PCYT1B: variants seen among roughly 807,000 people sequenced by gnomAD.
The protein encoded by PCYT1B is phosphate cytidylyltransferase 1B, choline, also known as choline-phosphate cytidylyltransferase B.
Under a neutral mutation model 26.4 loss-of-function variants are expected in PCYT1B, and 10 were observed. That is an observed-to-expected ratio of 0.38 (90% CI 0.23 to 0.64). The LOEUF is 0.64. Among genes scored for constraint, PCYT1B ranks in the 30% least tolerant of loss-of-function variants. PCYT1B has a pLI of 0.56. For synonymous variants in PCYT1B, 131 were observed against 108.4 expected (o/e 1.21, Z -1.29); for missense variants, 161 against 292.7 (o/e 0.55, Z 3.28).
chrX:24,605,452 C>A (rs1925095427), intron 3 of PCYT1B, among the ~76,000 whole-genome samples: 1 of 111,883 alleles, frequency 8.9e-6, no homozygotes, highest in Non-Finnish European at 1.9e-5. Context: ...TCACTCTTTT[C>A]TCTTTTCCTA....
chrX:24,637,386 A>C (rs1926305967), intron 1 of PCYT1B, among the ~76,000 whole-genome samples: 1 of 102,566 alleles, frequency 9.7e-6, no homozygotes, highest in Non-Finnish European at 1.9e-5. Flanking sequence ...TCACGCCTGT[A>C]ATCCTAGCAC....
At chrX:24,610,328 CTT>C (rs1925271078) in intron 2 of PCYT1B, among the ~76,000 whole-genome samples, 1 of 111,387 alleles carries the variant, frequency 9.0e-6, no homozygotes, top group Non-Finnish European at 1.9e-5. Flanking sequence ...AGTTGAGAGA[CTT>C]TATGTCAGAT....
intron 1 of PCYT1B, among the ~76,000 whole-genome samples, chrX:24,654,440 G>T (rs1009336552): frequency 1.9e-5 from 2 of 103,026 alleles, no homozygotes; most frequent in African/African-American, 7.0e-5. Flanking sequence ...TCTTCTCACT[G>T]CCCCAGATTT....
intron 5 of PCYT1B, among the ~76,000 whole-genome samples, chrX:24,585,385 T>C (rs1445666015): frequency 9.0e-6 from 1 of 111,696 alleles, no homozygotes; most frequent in Non-Finnish European, 1.9e-5. Flanking sequence ...TCTAGTAGAT[T>C]ATGGAGGACA....
intron 5 of PCYT1B, among the ~76,000 whole-genome samples, chrX:24,580,316 G>C (rs1404765582): frequency 8.9e-6 from 1 of 112,741 alleles, no homozygotes; most frequent in Non-Finnish European, 1.9e-5. Context: ...GAGTGAGAAA[G>C]TAAATGAAGA....
upstream of PCYT1B, among the ~76,000 whole-genome samples, chrX:24,651,472 A>AAAAATATATAT (rs1555965467): frequency 7.7e-5 from 2 of 26,059 alleles, no homozygotes; most frequent in Non-Finnish European, 1.2e-4. Flanking sequence ...AAAAAAAAAA[A>AAAAATATATAT]ATATATATAT....
chrX:24,625,563 T>G (rs1291002908), intron 1 of PCYT1B, among the ~76,000 whole-genome samples: 1 of 108,426 alleles, frequency 9.2e-6, no homozygotes, highest in East Asian at 2.9e-4. Flanking sequence ...CACCAAGAAA[T>G]ATCCATTTTT....
rs138895925 is a variant in PCYT1B, at chrX:24,656,484, A to G, written c.63+16086T>C. Among the ~76,000 whole-genome samples the G allele has an allele frequency of 6.0e-3, 646 of 106,806 alleles. 7 individuals carry two copies. The highest frequency in any genetic ancestry group is 0.021 in the African/African-American group (631 of 29,384). The allele number at this position is 106,806 out of a possible 115,157, so 92.7% of individuals were successfully genotyped here. A position where few individuals can be genotyped will look rare whatever the true frequency, so the allele number is the denominator to read the frequency against. ...TTTACATCTTACATTTAAAAGAAAT[A>G]TATATTTGCAATTGGTTGGGGAGAT... is the stretch of plus-strand genomic sequence containing the variant. On this transcript the variant is annotated intron_variant, in intron 1 of 7. Transcript: ENST00000379145.
chrX:24,596,469 G>A (rs1194817245), intron 3 of PCYT1B, among the ~76,000 whole-genome samples: 1 of 109,298 alleles, frequency 9.1e-6, no homozygotes, highest in Non-Finnish European at 1.9e-5. Context: ...GTGCATGCTT[G>A]TAATCTCAGT....
At chrX:24,563,365 G>C (rs1252925203) in intron 7 of PCYT1B, among the ~76,000 whole-genome samples, 5 of 111,479 alleles carry the variant, frequency 4.5e-5, no homozygotes, top group Non-Finnish European at 9.4e-5. Flanking sequence ...AGAGATAAGG[G>C]GAGGGACCAG....
upstream of PCYT1B, among the ~76,000 whole-genome samples, chrX:24,649,471 AG>A (rs559115249): frequency 7.5e-4 from 83 of 111,363 alleles, no homozygotes; most frequent in South Asian, 0.029. Flanking sequence ...CCCACGCTAA[AG>A]TTTACAAACC....
At chrX:24,613,339 T>C (rs974695108) in intron 2 of PCYT1B, among the ~76,000 whole-genome samples, 5 of 112,139 alleles carry the variant, frequency 4.5e-5, no homozygotes, top group African/African-American at 1.6e-4. Context: ...TTTATATAAT[T>C]TATGTAGTTT....
In PCYT1B at chrX:24,619,076, A is replaced by G; in HGVS notation, c.126T>C (p.Thr42=). 2 of 1,190,304 alleles carry G rather than the reference A, an allele frequency of 1.7e-6. No homozygotes were observed. Among genetic ancestry groups the G allele is most frequent in the Non-Finnish European group, 2.3e-6 (2 of 878,118 alleles). Residue 42 remains threonine (T), a synonymous_variant, in exon 2 of 8, where the codon ACT becomes ACC. Coordinates refer to ENST00000379144, the MANE Select transcript of PCYT1B (RefSeq NM_004845.5). ...TTTCATCAGCAAATGGGGCAGGTGCAGTCAGGGTCTAGAAGGGAGAAAAAG... is the reference window on the plus strand; with the variant it reads ...TTTCATCAGCAAATGGGGCAGGTGCGGTCAGGGTCTAGAAGGGAGAAAAAG... ...HTCPQPRLTL[T]APAPFADETN... is the part of the protein sequence containing the mutation.
intron 1 of PCYT1B, among the ~76,000 whole-genome samples, chrX:24,666,606 A>T (rs199887762): frequency 9.9e-6 from 1 of 100,875 alleles, no homozygotes; most frequent in Non-Finnish European, 2.0e-5. Flanking sequence ...TATGTGTGTG[A>T]GTGTGTGTGT....
At chrX:24,602,619 G>A (rs1469534071) in intron 3 of PCYT1B, among the ~76,000 whole-genome samples, 1 of 110,939 alleles carries the variant, frequency 9.0e-6, no homozygotes, top group African/African-American at 3.3e-5. Flanking sequence ...GTGCCTGTGC[G>A]AGAAAGGAGT....
chrX:24,563,454 C>T (rs1414207157), intron 7 of PCYT1B, among the ~76,000 whole-genome samples: 1 of 112,030 alleles, frequency 8.9e-6, no homozygotes, highest in Non-Finnish European at 1.9e-5. Flanking sequence ...CCAGGAAGCG[C>T]AGGCAGGGCA....
chrX:24,633,075 T>C (rs1926150767), intron 1 of PCYT1B, among the ~76,000 whole-genome samples: 1 of 107,612 alleles, frequency 9.3e-6, no homozygotes, highest in African/African-American at 3.4e-5. Context: ...CTGGGTGTGG[T>C]GGCACGTGCC....
Position 24,560,523 on chromosome X carries a change from A to G in PCYT1B, c.*1770T>C, listed in dbSNP as rs1347180953. 1.8e-5 allele frequency: 2 copies of G among 112,121 alleles called. No homozygotes were observed. Among genetic ancestry groups the G allele is most frequent in the Non-Finnish European group, 3.8e-5 (2 of 53,182 alleles). 9.2% of individuals were successfully genotyped at this position (112,121 alleles called of 1,213,427 possible). ...TCCTGCCAGCCCTCTGTCCCATATG[A>G]GTGCTTCCCAGAGTCCTGGAGAAGG... On this transcript the variant is annotated 3_prime_UTR_variant, in exon 8 of 8. Transcript: ENST00000379144.
At chrX:24,595,909 C>A (rs1054654176) in intron 3 of PCYT1B, among the ~76,000 whole-genome samples, 1 of 108,486 alleles carries the variant, frequency 9.2e-6, no homozygotes, top group Non-Finnish European at 1.9e-5. Flanking sequence ...AAGACTGAGA[C>A]TGAATTTCCT....
Sources: gnomAD v4.1 joint callset for allele counts (sites outside exome capture counted in the v4.1 genomes callset) on GRCh38, gnomAD v4.1.1 for gene constraint, MANE v1.5 for transcripts, NCBI Gene and HGNC (gene_info 2026-07-23, HGNC 2026-07-21) for gene names.